The following SRD5A3 variants were observed in gnomAD, a reference collection of about 807,000 sequenced individuals.
SRD5A3 encodes polyprenal reductase.
SRD5A3 carries 24 observed loss-of-function variants against 34.3 expected under a neutral mutation model. That is an observed-to-expected ratio of 0.70 (90% CI 0.51 to 0.99). SRD5A3 has a LOEUF of 0.99. Among genes scored for constraint, SRD5A3 ranks in the 50% least tolerant of loss-of-function variants. The pLI is 0.00. For missense variants in SRD5A3, 350 were observed against 388.2 expected (o/e 0.90, Z 0.83); for synonymous variants, 161 against 167.3 (o/e 0.96, Z 0.29).
chr4:55,356,741 G>A (rs888089644), intron 1 of SRD5A3, among the ~76,000 whole-genome samples: 5 of 151,534 alleles, frequency 3.3e-5, no homozygotes, highest in Admixed American at 6.6e-5. Flanking sequence ...ATGGAGTCTC[G>A]CTCTGTTGCC....
intron 1 of SRD5A3, among the ~76,000 whole-genome samples, chr4:55,347,483 G>T (rs1360267974): frequency 6.6e-6 from 1 of 152,106 alleles, no homozygotes; most frequent in African/African-American, 2.4e-5. Context: ...ACAAAAAATT[G>T]GCAGGGCTTG....
chr4:55,361,737 A>G (rs1719694569), intron 2 of SRD5A3, among the ~76,000 whole-genome samples: 1 of 152,046 alleles, frequency 6.6e-6, no homozygotes, highest in Non-Finnish European at 1.5e-5. Flanking sequence ...CCAGGAAGCA[A>G]AGGTTGCAGT....
chr4:55,359,589 C>T (rs571482623), intron 2 of SRD5A3, 101 bp downstream of exon 2: 1 of 1,495,664 alleles, frequency 6.7e-7, no homozygotes, highest in South Asian at 1.2e-5. Flanking sequence ...CTCGGCACCT[C>T]CTCAGAAGGG....
At chr4:55,355,267 G>T (rs924808741) in intron 1 of SRD5A3, among the ~76,000 whole-genome samples, 1 of 152,122 alleles carries the variant, frequency 6.6e-6, no homozygotes, top group Non-Finnish European at 1.5e-5. Context: ...GACCATCCTG[G>T]CTAACACGGT....
intron 1 of SRD5A3, chr4:55,352,124 TACAG>T (rs1401959594): frequency 3.7e-6 from 3 of 806,964 alleles, no homozygotes; most frequent in Non-Finnish European, 6.8e-6. Flanking sequence ...ACACTTGGTA[TACAG>T]ACAGTCCATC....
intron 1 of SRD5A3, among the ~76,000 whole-genome samples, chr4:55,357,625 A>G (rs1054997402): frequency 2.6e-5 from 4 of 152,256 alleles, no homozygotes; most frequent in Admixed American, 6.5e-5. Flanking sequence ...CTCTCTTCAA[A>G]TAGTTTAAGA....
In SRD5A3 at chr4:55,367,574, TCTCATTC is replaced by T; in HGVS notation, c.563-11_563-5del. The T allele has an allele frequency of 6.2e-7, 1 of 1,613,768 alleles. No individual in the cohort carries two copies. The highest frequency in any genetic ancestry group is 8.5e-7 in the Non-Finnish European group (1 of 1,179,992). The stretch of plus-strand genomic sequence containing the variant: ...AAATTGTTTAGTGTTGGCTAACAAT[TCTCATTC>T]CTATAGCCTACATAACAGGGAAAAA... On this transcript the variant is annotated splice_polypyrimidine_tract_variant and splice_region_variant and intron_variant, in intron 3 of 4. Transcript: ENST00000264228.
At chr4:55,359,002 C>G (rs1719577481) in intron 1 of SRD5A3, 1 of 339,042 alleles carries the variant, frequency 2.9e-6, no homozygotes, top group Non-Finnish European at 5.6e-6. Context: ...TCTAGGTTCT[C>G]TTTGCAAGGG....
In SRD5A3 at chr4:55,367,742, C is replaced by G; in HGVS notation, c.697+20C>G. 1 of 1,613,948 alleles carries G rather than the reference C, an allele frequency of 6.2e-7. No homozygotes were observed. Among genetic ancestry groups the G allele is most frequent in the Non-Finnish European group, 8.5e-7 (1 of 1,179,952 alleles). Reference sequence around the variant, plus strand: ...AAGCAGGTGAGACCTCTTTTAGAGCCTCTGCATATGGATTTTAACCCTCAG... The same window carrying G: ...AAGCAGGTGAGACCTCTTTTAGAGCGTCTGCATATGGATTTTAACCCTCAG... On this transcript the variant is annotated intron_variant, in intron 4 of 4. Transcript: ENST00000264228.
In SRD5A3 at chr4:55,372,388, C is replaced by T. The variant is rs902727417; in HGVS notation, c.*2297C>T. 2 of 152,108 alleles carry T rather than the reference C, an allele frequency of 1.3e-5. No individual in the cohort carries two copies. Among genetic ancestry groups the T allele is most frequent in the African/African-American group, 4.8e-5 (2 of 41,412 alleles). 9.4% of individuals were successfully genotyped at this position (152,108 alleles called of 1,614,324 possible). ...ACCCCTGTTTCCTGCTGTCTCTCTC[C>T]CACTCATCCCTGTTTCTTACTCATC... On this transcript the variant is annotated 3_prime_UTR_variant, in exon 5 of 5. Coordinates refer to ENST00000264228, the MANE Select transcript of SRD5A3 (RefSeq NM_024592.5).
intron 1 of SRD5A3, among the ~76,000 whole-genome samples, chr4:55,353,694 G>A (rs1265426205): frequency 6.6e-6 from 1 of 152,064 alleles, no homozygotes; most frequent in Non-Finnish European, 1.5e-5. Flanking sequence ...GAACCCACCT[G>A]GAGGAACAAA....
rs1719581982 is a variant in SRD5A3, at chr4:55,359,149, A to G, written c.222-197A>G. ...CCTCAGAGAGGCCTCTTTTTCCTGA[A>G]AGTTAACTGGTCCCGTTATTTGAAA... On this transcript the variant is annotated intron_variant, in intron 1 of 4. Transcript: ENST00000264228. The G allele has an allele frequency of 3.0e-5, 19 of 642,040 alleles. No individual in the cohort carries two copies. The South Asian group carries it at 3.3e-4, about 11-fold the overall frequency. 39.8% of individuals were successfully genotyped at this position (642,040 alleles called of 1,614,324 possible).
At chr4:55,354,387 G>T (rs1047064141) in intron 1 of SRD5A3, among the ~76,000 whole-genome samples, 3 of 152,112 alleles carry the variant, frequency 2.0e-5, no homozygotes, top group Non-Finnish European at 4.4e-5. Flanking sequence ...GACGCACCGC[G>T]CTCGGCCAGC....
At position 55,352,747 on chromosome 4, in the gene SRD5A3, G is replaced by A. The variant is rs534492141; in HGVS notation, c.221+6190G>A. On this transcript the variant is annotated intron_variant, in intron 1 of 4. Coordinates refer to ENST00000264228, the MANE Select transcript of SRD5A3 (RefSeq NM_024592.5). ...TAACCAGTGTTTATAGATACCTACT[G>A]TGTGCCAGGAATCATTCTAGGCTCC... Among the ~76,000 whole-genome samples the A allele has an allele frequency of 1.3e-3, 200 of 152,360 alleles. 6 individuals are homozygous for A. The South Asian group carries it at 0.04, about 30-fold the overall frequency.
At chr4:55,355,463 A>T (rs1464390001) in intron 1 of SRD5A3, among the ~76,000 whole-genome samples, 1 of 152,080 alleles carries the variant, frequency 6.6e-6, no homozygotes, top group Non-Finnish European at 1.5e-5. Flanking sequence ...GTCTGAAAAA[A>T]AAAAAAAAGA....
Position 55,370,686 on chromosome 4 carries a change from C to T in SRD5A3, c.*595C>T, listed in dbSNP as rs974681652. ...TTGGGCCCAAGAGTTCGAGACCAGC[C>T]TGGGCAACATGGTGAAACCCTATCT... On this transcript the variant is annotated 3_prime_UTR_variant, in exon 5 of 5. Transcript: ENST00000264228. The T allele has an allele frequency of 6.5e-6, 1 of 154,778 alleles. No individual in the cohort carries two copies. The highest frequency in any genetic ancestry group is 2.4e-5 in the African/African-American group (1 of 41,410). 9.6% of individuals were successfully genotyped at this position (154,778 alleles called of 1,614,324 possible).
At chr4:55,351,881 G>T in intron 1 of SRD5A3, 1 of 631,108 alleles carries the variant, frequency 1.6e-6, no homozygotes, top group South Asian at 1.4e-5. Flanking sequence ...AAATGTACAT[G>T]ACAGGAACTC....
rs543949492 is a variant in SRD5A3, at chr4:55,354,835, C to T, written c.222-4511C>T. Among the ~76,000 whole-genome samples, 24 of 152,272 alleles carry T rather than the reference C, an allele frequency of 1.6e-4. No individual in the cohort carries two copies. In the East Asian group the frequency reaches 3.7e-3, roughly 23 times the overall value. The stretch of plus-strand genomic sequence containing the variant: ...GTGTGTGTGCGCGCGTGCGTGCGCG[C>T]GTACGCATGTGTAAGCTCCATGAAG... On this transcript the variant is annotated intron_variant, in intron 1 of 4. Coordinates refer to ENST00000264228, the MANE Select transcript of SRD5A3 (RefSeq NM_024592.5).
chr4:55,347,979 G>C (rs1449302243), intron 1 of SRD5A3, among the ~76,000 whole-genome samples: 1 of 152,078 alleles, frequency 6.6e-6, no homozygotes, highest in African/African-American at 2.4e-5. Context: ...TCTGAGTTTT[G>C]AGAAAGGTAC....
Sources: allele counts gnomAD v4.1 joint callset (sites outside exome capture counted in the v4.1 genomes callset), GRCh38; gene constraint gnomAD v4.1.1; transcripts MANE v1.5; gene names NCBI Gene and HGNC (gene_info 2026-07-23, HGNC 2026-07-21).